ATAD2B: variants seen among roughly 807,000 people sequenced by gnomAD.
The protein encoded by ATAD2B is ATPase family AAA domain-containing protein 2B.
A neutral mutation model predicts 167.6 loss-of-function variants in ATAD2B; 40 were observed. The observed-to-expected ratio is 0.24, with a 90% CI of 0.19 to 0.31. ATAD2B has a LOEUF of 0.31. Among genes scored for constraint, ATAD2B ranks in the 10% least tolerant of loss-of-function variants. The pLI is 1.00. For missense variants in ATAD2B, 1,242 were observed against 1,757.2 expected (o/e 0.71, Z 5.24); for synonymous variants, 579 against 596.5 (o/e 0.97, Z 0.43).
chr2:23,792,804 T>C (rs1452260450), intron 19 of ATAD2B, among the ~76,000 whole-genome samples: 3 of 151,002 alleles, frequency 2.0e-5, no homozygotes, highest in African/African-American at 7.3e-5. Context: ...CTACTAAAAA[T>C]ACAAAAAATT....
chr2:23,736,741 A>G, the ATAD2B span, among the ~76,000 whole-genome samples: 1 of 152,176 alleles, frequency 6.6e-6, no homozygotes, highest in African/African-American at 2.4e-5. Context: ...AAGCAGGGTG[A>G]GACACCACCT....
the ATAD2B span, among the ~76,000 whole-genome samples, chr2:23,722,485 A>C: frequency 0.57 from 87,244 of 152,018 alleles, 25,697 homozygotes; most frequent in East Asian, 0.79. Context: ...AAACCAGACC[A>C]AGCAGAATTT....
chr2:23,681,676 G>T, the ATAD2B span, among the ~76,000 whole-genome samples: 2 of 152,144 alleles, frequency 1.3e-5, no homozygotes, highest in Admixed American at 1.3e-4. The surrounding 1 kb of genome is among the most constrained non-coding windows in gnomAD (Gnocchi z 4.2). Flanking sequence ...GAAAGCTGGG[G>T]TGCTGGCCCA....
At chr2:23,850,212 TAAC>T (rs961411797) in intron 13 of ATAD2B, among the ~76,000 whole-genome samples, 2 of 144,296 alleles carry the variant, frequency 1.4e-5, no homozygotes, top group Admixed American at 6.9e-5. Context: ...TAGAAGTAAA[TAAC>T]AATAAAATAA....
At chr2:23,721,450 C>T in the ATAD2B span, among the ~76,000 whole-genome samples, 1 of 152,180 alleles carries the variant, frequency 6.6e-6, no homozygotes, top group African/African-American at 2.4e-5. Flanking sequence ...CACCAATGTC[C>T]GTGGCCTAAG....
rs1690081286 is a variant in ATAD2B at position 23,836,931 on chromosome 2, G to A, written c.1569-2853C>T. 2.6e-5 allele frequency among the ~76,000 whole-genome samples: 4 copies of A among 152,156 alleles called. No homozygotes were observed. The South Asian group carries it at 8.3e-4, about 32-fold the overall frequency. ...AAAAGCACCACAAGTTCCCACTCCA[G>A]TCTGTGGGACTGGCAGCCTGGCCAA... On this transcript the variant is annotated intron_variant, in intron 13 of 27. Transcript: ENST00000238789.
downstream of ATAD2B, among the ~76,000 whole-genome samples, chr2:23,745,422 A>AGGAAGGAAGGAAGGAAGGAAAGGGAAGGG (rs1674810265): frequency 3.8e-4 from 32 of 85,064 alleles, no homozygotes; most frequent in African/African-American, 1.7e-3. Flanking sequence ...GGAAGGAAGG[A>AGGAAGGAAGGAAGGAAGGAAAGGGAAGGG]AAGGGAAGGG....
At chr2:23,826,456 A>T (rs1688273902) in intron 15 of ATAD2B, among the ~76,000 whole-genome samples, 1 of 152,208 alleles carries the variant, frequency 6.6e-6, no homozygotes, top group Non-Finnish European at 1.5e-5. Flanking sequence ...AAGAAATTAT[A>T]AACATCCCTT....
the ATAD2B span, among the ~76,000 whole-genome samples, chr2:23,742,654 T>C: frequency 6.6e-6 from 1 of 151,662 alleles, no homozygotes; most frequent in East Asian, 1.9e-4. Context: ...TGTATACATA[T>C]GTAAGAAACC....
the ATAD2B span, chr2:23,691,022 T>G: frequency 6.5e-6 from 1 of 153,330 alleles, no homozygotes. Flanking sequence ...AGTCCTTGGT[T>G]GTTTCCTCTC....
At chr2:23,895,125 G>A (rs1260782764) in intron 2 of ATAD2B, among the ~76,000 whole-genome samples, 1 of 151,874 alleles carries the variant, frequency 6.6e-6, no homozygotes, top group African/African-American at 2.4e-5. Flanking sequence ...AGAGTTTAAA[G>A]AACCCTTTAG....
At chr2:23,909,618 T>G (rs926172381) in intron 1 of ATAD2B, among the ~76,000 whole-genome samples, 1 of 152,020 alleles carries the variant, frequency 6.6e-6, no homozygotes, top group East Asian at 1.9e-4. Context: ...GTCAGAAGGA[T>G]GTACAGCAGC....
At chr2:23,856,262 C>T (rs1693395626) in intron 13 of ATAD2B, 1 of 176,038 alleles carries the variant, frequency 5.7e-6, no homozygotes, top group Non-Finnish European at 1.3e-5. Context: ...GGAATATTTG[C>T]ATTATATTTA....
rs199745202 is a variant in ATAD2B at position 23,868,663 on chromosome 2, C to CA, written c.1077-718dup. Among the ~76,000 whole-genome samples, 1,019 of 149,620 alleles carry CA rather than the reference C, an allele frequency of 6.8e-3. 8 individuals are homozygous for CA. The highest frequency in any genetic ancestry group is 0.019 in the African/African-American group (788 of 40,922). On this transcript the variant is annotated intron_variant, in intron 9 of 27. Coordinates refer to ENST00000238789, the MANE Select transcript of ATAD2B (RefSeq NM_017552.4). ...GAAAAAATTGTCTTTCCATTTTTTT[C>CA]AAAAAAAAACCAGAGATCACATCTT...
chr2:23,710,866 G>A, the ATAD2B span, among the ~76,000 whole-genome samples: 11 of 152,186 alleles, frequency 7.2e-5, no homozygotes, highest in African/African-American at 2.2e-4. Context: ...TGAGCATCCA[G>A]GGTTTTGGTA....
At chr2:23,702,799 C>T in the ATAD2B span, among the ~76,000 whole-genome samples, 1 of 152,230 alleles carries the variant, frequency 6.6e-6, no homozygotes, top group East Asian at 1.9e-4. Flanking sequence ...CTTCATCCAG[C>T]ACGTTTCTCC....
intron 13 of ATAD2B, among the ~76,000 whole-genome samples, chr2:23,851,476 A>C (rs1305940211): frequency 6.6e-6 from 1 of 152,174 alleles, no homozygotes; most frequent in Non-Finnish European, 1.5e-5. Context: ...TTGTTAGGGC[A>C]GTTTTAGGTT....
intron 15 of ATAD2B, among the ~76,000 whole-genome samples, chr2:23,825,922 A>G (rs1688180706): frequency 6.6e-6 from 1 of 152,172 alleles, no homozygotes; most frequent in South Asian, 2.1e-4. Context: ...TTTATTCCAG[A>G]CAAAGAAATG....
Position 23,810,222 on chromosome 2 carries a change from G to GA in ATAD2B, c.2454+93dup, listed in dbSNP as rs1572857128. 13 of 1,132,780 alleles carry GA rather than the reference G, an allele frequency of 1.1e-5. No homozygotes were observed. In the East Asian group the frequency reaches 1.2e-4, roughly 11 times the overall value. 70.2% of individuals were successfully genotyped at this position (1,132,780 alleles called of 1,614,324 possible). On this transcript the variant is annotated intron_variant, in intron 18 of 27. Coordinates refer to ENST00000238789, the MANE Select transcript of ATAD2B (RefSeq NM_017552.4). ...AAAGTTAATATTCATATCGTACTCTGAAAAAATCTTATCTTTAACACTACA... is the reference window on the plus strand; with the variant it reads ...AAAGTTAATATTCATATCGTACTCTGAAAAAAATCTTATCTTTAACACTACA...
Sources: allele counts gnomAD v4.1 joint callset (sites outside exome capture counted in the v4.1 genomes callset), GRCh38; gene constraint gnomAD v4.1.1; non-coding constraint Gnocchi (gnomAD v3.1); transcripts MANE v1.5; gene names NCBI Gene and HGNC (gene_info 2026-07-23, HGNC 2026-07-21).